RAD54L: variants seen among roughly 807,000 people sequenced by gnomAD.
The protein encoded by RAD54L is DNA repair and recombination protein RAD54-like.
Under a neutral mutation model 91.6 loss-of-function variants are expected in RAD54L, and 74 were observed. The observed-to-expected ratio is 0.81, with a 90% confidence interval of 0.67 to 0.98. RAD54L has a LOEUF of 0.98. Among genes scored for constraint, RAD54L ranks in the 50% least tolerant of loss-of-function variants. The probability of loss-of-function intolerance (pLI) is 0.00; values close to 1 mark genes in which losing one functional copy is unlikely to be tolerated. For synonymous variants in RAD54L, 304 were observed against 349.7 expected, an observed-to-expected ratio of 0.87 and a Z score of 1.46; for missense variants, 887 against 945.7, an observed-to-expected ratio of 0.94 and a Z score of 0.81.
At chr1:46,273,061 G>T (rs1660480859) in intron 12 of RAD54L, among the ~76,000 whole-genome samples, 1 of 152,186 alleles carries the variant, frequency 6.6e-6, no homozygotes, top group Admixed American at 6.5e-5. Flanking sequence ...GTGAGTGCTT[G>T]CATGTACACA....
Position 46,272,697 on chromosome 1 carries a change from T to C in RAD54L, c.1270T>C (p.Tyr424His). The C allele has an allele frequency of 1.9e-6, 3 of 1,614,196 alleles. No individual in the cohort carries two copies. Among genetic ancestry groups the C allele is most frequent in the South Asian group, 1.1e-5 (1 of 91,078 alleles). ...GCTGACACCCCTTCAGACTGAGTTA[T>C]ACAAGAGGTTTCTGAGACAAGCCAA... Reference protein sequence around the residue: ...CRLTPLQTELYKRFLRQAKPA... With the variant: ...CRLTPLQTELHKRFLRQAKPA... Residue 424 changes from tyrosine to histidine, a missense_variant, in exon 12 of 18, where the codon TAC (tyrosine) becomes CAC (histidine). By Grantham distance (83) the Tyr-to-His change is moderately conservative. Transcript: ENST00000371975.
At chr1:46,252,156 A>T (rs913456070) in intron 3 of RAD54L, among the ~76,000 whole-genome samples, 1 of 152,156 alleles carries the variant, frequency 6.6e-6, no homozygotes, top group Non-Finnish European at 1.5e-5. Flanking sequence ...GGAACAGCTT[A>T]TTGGAAAGAC....
chr1:46,268,906 C>T (rs1043080795), intron 9 of RAD54L, among the ~76,000 whole-genome samples: 10 of 152,190 alleles, frequency 6.6e-5, no homozygotes, highest in African/African-American at 2.2e-4. Context: ...GCTGGGACTA[C>T]AGGCATATGC....
rs977680953 is a variant in RAD54L at position 46,267,666 on chromosome 1, G to A, written c.1042+57G>A. ...GAGGAGCCCTGCCTTGTCTTTGGGA[G>A]TATAACTCCAGCTGAGGAGAGAAAG... On this transcript the variant is annotated intron_variant, in intron 9 of 17. Coordinates refer to ENST00000371975, the MANE Select transcript of RAD54L (RefSeq NM_003579.4). The A allele has an allele frequency of 2.6e-6, 4 of 1,540,174 alleles. No individual in the cohort carries two copies. The East Asian group carries it at 6.7e-5, about 26-fold the overall frequency.
rs1660243059 is a variant in RAD54L, at chr1:46,265,536, A to C, written c.892-1923A>C. Among the ~76,000 whole-genome samples the C allele has an allele frequency of 6.6e-6, 1 of 152,174 alleles. No homozygotes were observed. The highest frequency in any genetic ancestry group is 6.5e-5 in the Admixed American group (1 of 15,284). On this transcript the variant is annotated intron_variant, in intron 8 of 17. Transcript: ENST00000371975. This position sits in a 1 kb window ranked among gnomAD's most constrained non-coding sequence, Gnocchi z 4.8. ...TGATCCACTTGCCTTAACCTCCCAA[A>C]GTGCTAGGATTACAGGCATGAGCCA...
intron 14 of RAD54L, among the ~76,000 whole-genome samples, 182 bp downstream of exon 14, chr1:46,273,929 AG>A (rs1660514703): frequency 6.6e-6 from 1 of 152,150 alleles, no homozygotes; most frequent in South Asian, 2.1e-4. Context: ...CTAGTCCTTC[AG>A]GTACTCCCTT....
At chr1:46,256,863 G>T (rs888451603) in intron 3 of RAD54L, among the ~76,000 whole-genome samples, 8 of 151,644 alleles carry the variant, frequency 5.3e-5, no homozygotes, top group Admixed American at 3.9e-4. Context: ...TACATTTGAG[G>T]CCAGGTGTGA....
At chr1:46,260,278 C>T (rs1660072468) in intron 5 of RAD54L, among the ~76,000 whole-genome samples, 179 bp downstream of exon 5, 2 of 152,104 alleles carry the variant, frequency 1.3e-5, no homozygotes, top group Non-Finnish European at 2.9e-5. Context: ...AGTGAGTGGG[C>T]ATTCCTCATC....
In RAD54L at chr1:46,248,595, A is replaced by G. The variant is rs1393311192; in HGVS notation, c.87A>G (p.Leu29=). 6.2e-7 allele frequency: 1 copy of G among 1,613,898 alleles called. No homozygotes were observed. Among genetic ancestry groups the G allele is most frequent in the African/African-American group, 1.3e-5 (1 of 74,938 alleles). ...ATGATGAAGACTGGCAACCTGGCCT[A>G]GTGGTGAGCACTCAAGGGGACAGGG... ...SCDDEDWQPG[L]VTPRKRKSSS... is the part of the protein sequence containing the mutation. Residue 29 remains leucine, a synonymous_variant, in exon 2 of 18, where the codon CTA becomes CTG. Transcript: ENST00000371975.
In RAD54L at chr1:46,259,517, A is replaced by G. The variant is rs941266704; in HGVS notation, c.272-447A>G. ...GCTGGGCATCGTGGCTCACGCCTGT[A>G]ATACCAGCACTTTGGGAGGCCAAGG... is the stretch of plus-strand genomic sequence containing the variant. On this transcript the variant is annotated intron_variant, in intron 4 of 17. Coordinates refer to ENST00000371975, the MANE Select transcript of RAD54L (RefSeq NM_003579.4). Among the ~76,000 whole-genome samples the G allele has an allele frequency of 8.5e-5, 13 of 152,326 alleles. 1 individual carries two copies. In the South Asian group the frequency reaches 2.7e-3, roughly 32 times the overall value.
At chr1:46,274,854 T>C (rs1660549129) in intron 16 of RAD54L, 137 bp downstream of exon 16, 1 of 1,014,446 alleles carries the variant, frequency 9.9e-7, no homozygotes, top group East Asian at 2.5e-5. Flanking sequence ...GTGAGTCTTT[T>C]ATTCTTCTGT....
In RAD54L at chr1:46,260,743, G is replaced by T. The variant is rs1191477654; in HGVS notation, c.494G>T (p.Trp165Leu). 1 of 1,614,210 alleles carries T rather than the reference G, an allele frequency of 6.2e-7. No homozygotes were observed. The highest frequency in any genetic ancestry group is 2.2e-5 in the East Asian group (1 of 44,886). Residue 165 changes from tryptophan (W) to leucine (L), a missense_variant, in exon 7 of 18, where the codon TGG becomes TTG. Transcript: ENST00000371975. Reference sequence around the variant, plus strand: ...ATTCTCTAGGGAGTGAAATTCCTGTGGGAGTGTGTCACCAGTCGGCGCATC... The same window carrying T: ...ATTCTCTAGGGAGTGAAATTCCTGTTGGAGTGTGTCACCAGTCGGCGCATC... ...PHQREGVKFL[W>L]ECVTSRRIPG...
chr1:46,278,273 C>T lies in RAD54L; in HGVS notation c.2235C>T (p.Gly745=), dbSNP rs767999082. ...FHQRSHEEQR[G]LR ...AGCGTTCTCATGAGGAGCAGCGGGG[C>T]CTCCGCTGATAACCAGCTGGTCTGG... The change falls in exon 18 of 18, where the codon GGC becomes GGT. Residue 745 remains glycine (G), a synonymous_variant. Transcript: ENST00000371975. 3 of 1,612,232 alleles carry T rather than the reference C, an allele frequency of 1.9e-6. No homozygotes were observed. The highest frequency in any genetic ancestry group is 8.5e-7 in the Non-Finnish European group (1 of 1,179,432).
intron 3 of RAD54L, among the ~76,000 whole-genome samples, chr1:46,255,288 G>A (rs555709859): frequency 6.6e-6 from 1 of 152,306 alleles, no homozygotes; most frequent in Admixed American, 6.5e-5. Flanking sequence ...AGAGTGATCA[G>A]TCATAACAGA....
At chr1:46,277,716 C>T in intron 16 of RAD54L, 101 bp from the exon 17 acceptor site, 1 of 1,337,444 alleles carries the variant, frequency 7.5e-7, no homozygotes. Context: ...ATCTCCTCTT[C>T]TCGGGTAGCT....
At position 46,260,824 on chromosome 1, in the gene RAD54L, A is replaced by G. The variant is rs766404630; in HGVS notation, c.575A>G (p.Gln192Arg). Reference protein sequence around the residue: ...ADEMGLGKTLQCITLMWTLLR... With the variant: ...ADEMGLGKTLRCITLMWTLLR... ...GAGATGGGCCTAGGAAAGACGCTGC[A>G]GTGCATCACATTGATGTGGACACTT... The change falls in exon 7 of 18, where the codon CAG (glutamine) becomes CGG (arginine). Residue 192 changes from glutamine to arginine, a missense_variant. By Grantham distance (43) the Gln-to-Arg change is conservative. Coordinates refer to ENST00000371975, the MANE Select transcript of RAD54L (RefSeq NM_003579.4). 10 of 1,614,138 alleles carry G rather than the reference A, an allele frequency of 6.2e-6. No homozygotes were observed. The South Asian group carries it at 9.9e-5, about 16-fold the overall frequency.
chr1:46,277,488 T>C (rs1208269835), intron 16 of RAD54L: 8 of 411,568 alleles, frequency 1.9e-5, no homozygotes, highest in African/African-American at 6.1e-5. Context: ...ATGATATTTA[T>C]TGAATGAGTT....
chr1:46,271,692 GT>G (rs1368515704), intron 10 of RAD54L, among the ~76,000 whole-genome samples: 1 of 152,096 alleles, frequency 6.6e-6, no homozygotes, highest in Non-Finnish European at 1.5e-5. Context: ...AGAAGAATTG[GT>G]GTTTTCTTAA....
intron 9 of RAD54L, among the ~76,000 whole-genome samples, chr1:46,268,025 A>G (rs1660315141): frequency 6.6e-6 from 1 of 152,124 alleles, no homozygotes; most frequent in Non-Finnish European, 1.5e-5. Flanking sequence ...AAGTACATTC[A>G]CTTTGTGCAA....
Sources: allele counts gnomAD v4.1 joint callset (sites outside exome capture counted in the v4.1 genomes callset), GRCh38; gene constraint gnomAD v4.1.1; non-coding constraint Gnocchi (gnomAD v3.1); transcripts MANE v1.5; gene names NCBI Gene and HGNC (gene_info 2026-07-23, HGNC 2026-07-21).